Variants in PNMA1 observed in about 807,000 individuals in gnomAD.
PNMA1 encodes PNMA family member 1.
A neutral mutation model predicts 26.1 loss-of-function variants in PNMA1; 21 were observed. The ratio of observed to expected loss-of-function variants is 0.80; its 90% CI spans 0.57 to 1.16. PNMA1 has a LOEUF of 1.16. Ranked by LOEUF, PNMA1 falls within the 50% of genes most tolerant of loss-of-function variation. The pLI, the probability that PNMA1 is intolerant of heterozygous loss-of-function variation, is 0.00. For missense variants in PNMA1, 435 were observed against 437.3 expected (o/e 0.99, Z 0.05); for synonymous variants, 189 against 177.3 (o/e 1.07, Z -0.52).
rs748750462 is a variant in PNMA1, at chr14:73,713,028, C to T, written c.612G>A (p.Glu204=). 1 of 1,613,906 alleles carries T rather than the reference C, an allele frequency of 6.2e-7. No individual in the cohort carries two copies. Among genetic ancestry groups the T allele is most frequent in the South Asian group, 1.1e-5 (1 of 91,076 alleles). The stretch of plus-strand genomic sequence containing the variant: ...CATCAGCGGCGGGGCCTCTAAGACT[C>T]TCCATCAACCGCCGCCTCTTTTCTA... ...SDVEKRRRLM[E]SLRGPAADVI... is the part of the protein sequence containing the mutation. Residue 204 remains glutamate, a synonymous_variant, in exon 1 of 1, where the codon GAG becomes GAA. Transcript: ENST00000316836.
Position 73,712,509 on chromosome 14 carries a change from G to C in PNMA1, c.*69C>G, listed in dbSNP as rs139387854. The C allele has an allele frequency of 9.1e-7, 1 of 1,099,116 alleles. No individual in the cohort carries two copies. The highest frequency in any genetic ancestry group is 1.5e-5 in the South Asian group (1 of 67,688). 68.1% of individuals were successfully genotyped at this position (1,099,116 alleles called of 1,614,324 possible). A position where few individuals can be genotyped will look rare whatever the true frequency, so the allele number is the denominator to read the frequency against. On this transcript the variant is annotated 3_prime_UTR_variant, in exon 1 of 1. Transcript: ENST00000316836. Reference sequence around the variant, plus strand: ...GCCTTTACTACTCAGAGACACATCTGTAAGACCCCACAGGGACAAGAAAAG... The same window carrying C: ...GCCTTTACTACTCAGAGACACATCTCTAAGACCCCACAGGGACAAGAAAAG...
chr14:73,713,010 G>T lies in PNMA1; in HGVS notation c.630C>A (p.Ala210=), dbSNP rs1430451522. The change falls in exon 1 of 1, where the codon GCC becomes GCA. Residue 210 remains alanine (A), a synonymous_variant. Coordinates refer to ENST00000316836, the MANE Select transcript of PNMA1 (RefSeq NM_006029.5). ...ACTTAAGGATGCGAATAACATCAGC[G>T]GCGGGGCCTCTAAGACTCTCCATCA... The part of the protein sequence containing the change: ...RRLMESLRGP[A]ADVIRILKSN... The T allele has an allele frequency of 6.2e-7, 1 of 1,613,952 alleles. No individual in the cohort carries two copies. Among genetic ancestry groups the T allele is most frequent in the South Asian group, 1.1e-5 (1 of 91,080 alleles).
chr14:73,713,955 C>CGGCGGGCGGCGAA lies in PNMA1; in HGVS notation c.-329_-317dup, dbSNP rs2052845713. The CGGCGGGCGGCGAA allele has an allele frequency of 4.3e-6, 1 of 230,784 alleles. No individual in the cohort carries two copies. The highest frequency in any genetic ancestry group is 2.3e-5 in the African/African-American group (1 of 43,934). 14.3% of individuals were successfully genotyped at this position (230,784 alleles called of 1,614,324 possible). A position where few individuals can be genotyped will look rare whatever the true frequency, so the allele number is the denominator to read the frequency against. ...TCGTCGTGCAGCGGGCGAGGAGCGA[C>CGGCGGGCGGCGAA]GGCGGGCGGCGAAGGCAGGCGCGCT... is the stretch of plus-strand genomic sequence containing the variant. On this transcript the variant is annotated 5_prime_UTR_variant, in exon 1 of 1. Coordinates refer to ENST00000316836, the MANE Select transcript of PNMA1 (RefSeq NM_006029.5).
In PNMA1 at chr14:73,712,974, G is replaced by A. The variant is rs1566574905; in HGVS notation, c.666C>T (p.Pro222=). The A allele has an allele frequency of 6.2e-7, 1 of 1,614,206 alleles. No individual in the cohort carries two copies. Among genetic ancestry groups the A allele is most frequent in the East Asian group, 2.2e-5 (1 of 44,884 alleles). Residue 222 remains proline (P), a synonymous_variant, in exon 1 of 1, where the codon CCC becomes CCT. Coordinates refer to ENST00000316836, the MANE Select transcript of PNMA1 (RefSeq NM_006029.5). Reference sequence around the variant, plus strand: ...TCAGGCATTCGGCAGTGGTTATCGCGGGGTTGTTGGACTTAAGGATGCGAA... The same window carrying A: ...TCAGGCATTCGGCAGTGGTTATCGCAGGGTTGTTGGACTTAAGGATGCGAA... The part of the protein sequence containing the change: ...DVIRILKSNN[P]AITTAECLKA...
Position 73,712,585 on chromosome 14 carries a change from T to A in PNMA1, c.1055A>T (p.His352Leu). 1 of 1,589,656 alleles carries A rather than the reference T, an allele frequency of 6.3e-7. No individual in the cohort carries two copies. Among genetic ancestry groups the A allele is most frequent in the Non-Finnish European group, 8.6e-7 (1 of 1,167,544 alleles). Residue 352 changes from histidine to leucine, a missense_variant, in exon 1 of 1, where the codon CAC (histidine) becomes CTC (leucine). Physicochemically the swap from His to Leu is moderately conservative, Grantham distance 99. Transcript: ENST00000316836. ...ATLLQLGLEGHF is the reference protein window; with the variant it reads ...ATLLQLGLEGLF ...AGCTGCCTTTCCTGGCACTCAGAAGTGCCCTTCCAGGCCTAACTGCAGAAG... is the reference window on the plus strand; with the variant it reads ...AGCTGCCTTTCCTGGCACTCAGAAGAGCCCTTCCAGGCCTAACTGCAGAAG...
In PNMA1 at chr14:73,712,790, C is replaced by T; in HGVS notation, c.850G>A (p.Asp284Asn). Residue 284 changes from aspartate (D) to asparagine (N), a missense_variant, in exon 1 of 1, where the codon GAT becomes AAT. Coordinates refer to ENST00000316836, the MANE Select transcript of PNMA1 (RefSeq NM_006029.5). ...KVVEKGAIDK[D>N]NVNQARLEQV... is the part of the protein sequence containing the mutation. ...TCTAGGCGGGCCTGGTTCACATTAT[C>T]TTTATCAATGGCCCCCTTCTCTACC... 3.1e-6 allele frequency: 5 copies of T among 1,614,104 alleles called. No individual in the cohort carries two copies. Among genetic ancestry groups the T allele is most frequent in the Non-Finnish European group, 4.2e-6 (5 of 1,180,018 alleles).
Position 73,712,466 on chromosome 14 carries a change from A to G in PNMA1, c.*112T>C, listed in dbSNP as rs2052826380. On this transcript the variant is annotated 3_prime_UTR_variant, in exon 1 of 1. Transcript: ENST00000316836. ...CTAACCTTCCCCTCCAAAAAACAAC[A>G]AAACAGAACAAGGCTAAGCCTTTAC... The G allele has an allele frequency of 1.3e-6, 1 of 776,494 alleles. No individual in the cohort carries two copies. The highest frequency in any genetic ancestry group is 1.8e-5 in the South Asian group (1 of 54,268). 48.1% of individuals were successfully genotyped at this position (776,494 alleles called of 1,614,324 possible). A position where few individuals can be genotyped will look rare whatever the true frequency, so the allele number is the denominator to read the frequency against.
chr14:73,713,116 T>G lies in PNMA1; in HGVS notation c.524A>C (p.Glu175Ala). The change falls in exon 1 of 1, where the codon GAA becomes GCA. Residue 175 changes from glutamate to alanine, a missense_variant. Glu to Ala is a moderately radical substitution (Grantham distance 107). Coordinates refer to ENST00000316836, the MANE Select transcript of PNMA1 (RefSeq NM_006029.5). ...SGRDIPGPGEETFDPWLEHTN... is the reference protein window; with the variant it reads ...SGRDIPGPGEATFDPWLEHTN... ...GTGCTCCAGCCAGGGATCAAAGGTT[T>G]CCTCTCCAGGCCCTGGGATGTCCCT... 6.2e-7 allele frequency: 1 copy of G among 1,612,788 alleles called. No individual in the cohort carries two copies. Among genetic ancestry groups the G allele is most frequent in the Non-Finnish European group, 8.5e-7 (1 of 1,179,270 alleles).
rs756639066 is a variant in PNMA1 at position 73,713,382 on chromosome 14, C to G, written c.258G>C (p.Gly86=). The G allele has an allele frequency of 6.2e-7, 1 of 1,614,102 alleles. No homozygotes were observed. The highest frequency in any genetic ancestry group is 1.1e-5 in the South Asian group (1 of 91,072). ...AIPREMPGKG[G]VWKVLFKPPT... ...GGGGCTTAAATAACACTTTCCAGAC[C>G]CCTCCTTTGCCCGGCATCTCCCTGG... The change falls in exon 1 of 1, where the codon GGG becomes GGC. Residue 86 remains glycine (G), a synonymous_variant. Coordinates refer to ENST00000316836, the MANE Select transcript of PNMA1 (RefSeq NM_006029.5).
chr14:73,713,075 C>T lies in PNMA1; in HGVS notation c.565G>A (p.Glu189Lys). 1 of 1,614,140 alleles carries T rather than the reference C, an allele frequency of 6.2e-7. No individual in the cohort carries two copies. Among genetic ancestry groups the T allele is most frequent in the Non-Finnish European group, 8.5e-7 (1 of 1,180,024 alleles). The part of the protein sequence containing the change: ...PWLEHTNEVL[E>K]EWQVSDVEKR... The stretch of plus-strand genomic sequence containing the variant: ...TCTACATCGGACACCTGCCACTCCT[C>T]TAGGACCTCATTAGTGTGCTCCAGC... Residue 189 changes from glutamate (E) to lysine (K), a missense_variant, in exon 1 of 1, where the codon GAG (glutamate) becomes AAG (lysine). By Grantham distance (56) the Glu-to-Lys change is moderately conservative (BLOSUM62 1). Transcript: ENST00000316836.
Position 73,712,552 on chromosome 14 carries a change from T to C in PNMA1, c.*26A>G, listed in dbSNP as rs1465140019. On this transcript the variant is annotated 3_prime_UTR_variant, in exon 1 of 1. Coordinates refer to ENST00000316836, the MANE Select transcript of PNMA1 (RefSeq NM_006029.5). Reference sequence around the variant, plus strand: ...AAGAAAAGTAGCTGTGATCTAGGTCTGCACTAAAGCTGCCTTTCCTGGCAC... The same window carrying C: ...AAGAAAAGTAGCTGTGATCTAGGTCCGCACTAAAGCTGCCTTTCCTGGCAC... 2.0e-6 allele frequency: 3 copies of C among 1,487,626 alleles called. No individual in the cohort carries two copies. The South Asian group carries it at 3.7e-5, about 18-fold the overall frequency. The allele number at this position is 1,487,626 out of a possible 1,614,324, so 92.2% of individuals were successfully genotyped here.
chr14:73,712,621 G>GCCT lies in PNMA1; in HGVS notation c.1016_1018dup (p.Glu339dup), dbSNP rs747374853. On this transcript the variant is annotated inframe_insertion, in exon 1 of 1. Transcript: ENST00000316836. ...GCCTAACTGCAGAAGGGTGGCCTCAGCCTCCTCCTCCTCCTCCTTGGCTTC... is the reference window on the plus strand; with the variant it reads ...GCCTAACTGCAGAAGGGTGGCCTCAGCCTCCTCCTCCTCCTCCTCCTTGGCTTC... 234 of 1,612,014 alleles carry GCCT rather than the reference G, an allele frequency of 1.5e-4. No individual in the cohort carries two copies. The highest frequency in any genetic ancestry group is 6.5e-4 in the African/African-American group (49 of 74,990).
Position 73,713,176 on chromosome 14 carries a change from GA to G in PNMA1, c.463del (p.Ser155ProfsTer7), listed in dbSNP as rs1566575085. 1 of 1,613,962 alleles carries G rather than the reference GA, an allele frequency of 6.2e-7. No individual in the cohort carries two copies. Among genetic ancestry groups the G allele is most frequent in the East Asian group, 2.2e-5 (1 of 44,876 alleles). On this transcript the variant is annotated frameshift_variant, in exon 1 of 1. Transcript: ENST00000316836. LOFTEE classifies it high-confidence loss of function. ...AAGTGTCAGCCTCTTGTACCATATG[GA>G]CTCAACAAGAGGCTGAATAACATTA... ...LDNVIQPLVESIWYKRLTLFS... is the reference protein window; with the variant it reads ...LDNVIQPLVEXIWYKRLTLFS...
In PNMA1 at chr14:73,712,634, C is replaced by T. The variant is rs1433397049; in HGVS notation, c.1006G>A (p.Glu336Lys). Residue 336 changes from glutamate (E) to lysine (K), a missense_variant, in exon 1 of 1, where the codon GAG becomes AAG. Coordinates refer to ENST00000316836, the MANE Select transcript of PNMA1 (RefSeq NM_006029.5). ...AGGGTGGCCTCAGCCTCCTCCTCCTCCTCCTTGGCTTCCTCCTCACGGATC... is the reference window on the plus strand; with the variant it reads ...AGGGTGGCCTCAGCCTCCTCCTCCTTCTCCTTGGCTTCCTCCTCACGGATC... ...VQIREEEAKEEEEEAEATLLQ... is the reference protein window; with the variant it reads ...VQIREEEAKEKEEEAEATLLQ... The T allele has an allele frequency of 6.2e-7, 1 of 1,613,556 alleles. No homozygotes were observed. Among genetic ancestry groups the T allele is most frequent in the South Asian group, 1.1e-5 (1 of 91,028 alleles).
rs748154193 is a variant in PNMA1, at chr14:73,712,757, T to C, written c.883A>G (p.Ile295Val). 3 of 1,614,202 alleles carry C rather than the reference T, an allele frequency of 1.9e-6. No homozygotes were observed. The highest frequency in any genetic ancestry group is 1.7e-6 in the Non-Finnish European group (2 of 1,180,036). The change falls in exon 1 of 1, where the codon ATT becomes GTT. Residue 295 changes from isoleucine (I) to valine (V), a missense_variant. Transcript: ENST00000316836. Reference sequence around the variant, plus strand: ...GCCCCGCTGTGGTTGGCCCCGGCAATGACCTGCTCTAGGCGGGCCTGGTTC... The same window carrying C: ...GCCCCGCTGTGGTTGGCCCCGGCAACGACCTGCTCTAGGCGGGCCTGGTTC... Reference protein sequence around the residue: ...NVNQARLEQVIAGANHSGAIR... With the variant: ...NVNQARLEQVVAGANHSGAIR...
In PNMA1 at chr14:73,711,826, A is replaced by G. The variant is rs774213923; in HGVS notation, c.*752T>C. 2.0e-5 allele frequency: 3 copies of G among 152,250 alleles called. No individual in the cohort carries two copies. Among genetic ancestry groups the G allele is most frequent in the East Asian group, 1.9e-4 (1 of 5,200 alleles). The allele number at this position is 152,250 out of a possible 1,614,324, so 9.4% of individuals were successfully genotyped here. A position where few individuals can be genotyped will look rare whatever the true frequency, so the allele number is the denominator to read the frequency against. On this transcript the variant is annotated 3_prime_UTR_variant, in exon 1 of 1. Transcript: ENST00000316836. ...AATTTGTATATATAACTTCAAATTT[A>G]GAACACTCAGTATGAACAAGAACTA...
Position 73,713,308 on chromosome 14 carries a change from C to T in PNMA1, c.332G>A (p.Arg111Lys), listed in dbSNP as rs769835619. 1.9e-6 allele frequency: 3 copies of T among 1,614,218 alleles called. No individual in the cohort carries two copies. In the East Asian group the frequency reaches 6.7e-5, roughly 36 times the overall value. Residue 111 changes from arginine (R) to lysine (K), a missense_variant, in exon 1 of 1, where the codon AGA (arginine) becomes AAA (lysine). Physicochemically the swap from Arg to Lys is conservative, Grantham distance 26 (BLOSUM62 2). Coordinates refer to ENST00000316836, the MANE Select transcript of PNMA1 (RefSeq NM_006029.5). The part of the protein sequence containing the change: ...FLERLHLFLA[R>K]EGWTVQDVAR... The stretch of plus-strand genomic sequence containing the variant: ...AACATCTTGCACGGTCCACCCCTCT[C>T]TAGCTAGGAAGAGGTGCAATCTTTC...
chr14:73,712,932 C>T lies in PNMA1; in HGVS notation c.708G>A (p.Val236=). Residue 236 remains valine (V), a synonymous_variant, in exon 1 of 1, where the codon GTG becomes GTA. Coordinates refer to ENST00000316836, the MANE Select transcript of PNMA1 (RefSeq NM_006029.5). The part of the protein sequence containing the change: ...TAECLKALEQ[V]FGSVESSRDA... ...CCCTAGAGCTCTCAACGCTCCCAAA[C>T]ACCTGCTCAAGCGCCTTCAGGCATT... is the stretch of plus-strand genomic sequence containing the variant. 2 of 1,614,248 alleles carry T rather than the reference C, an allele frequency of 1.2e-6. No individual in the cohort carries two copies. The highest frequency in any genetic ancestry group is 2.7e-5 in the African/African-American group (2 of 75,078).
Position 73,712,972 on chromosome 14 carries a change from G to A in PNMA1, c.668C>T (p.Ala223Val), listed in dbSNP as rs372228109. ...VIRILKSNNP[A>V]ITTAECLKAL... ...CTTCAGGCATTCGGCAGTGGTTATC[G>A]CGGGGTTGTTGGACTTAAGGATGCG... The change falls in exon 1 of 1, where the codon GCG becomes GTG. Residue 223 changes from alanine to valine, a missense_variant. Coordinates refer to ENST00000316836, the MANE Select transcript of PNMA1 (RefSeq NM_006029.5). The A allele has an allele frequency of 1.7e-5, 27 of 1,614,100 alleles. No individual in the cohort carries two copies. Among genetic ancestry groups the A allele is most frequent in the South Asian group, 2.2e-5 (2 of 91,084 alleles).
Sources: gnomAD v4.1 joint callset for allele counts on GRCh38, gnomAD v4.1.1 for gene constraint, MANE v1.5 for transcripts, NCBI Gene and HGNC (gene_info 2026-07-23, HGNC 2026-07-21) for gene names.